LINGO2: variants seen among roughly 807,000 people sequenced by gnomAD.
The protein encoded by LINGO2 is leucine-rich repeat and immunoglobulin-like domain-containing nogo receptor-interacting protein 2.
A neutral mutation model predicts 30.6 loss-of-function variants in LINGO2; 14 were observed. The observed-to-expected ratio is 0.46, with a 90% CI of 0.30 to 0.72. LINGO2 has a LOEUF of 0.72. Ranked by LOEUF, LINGO2 falls within the 30% of genes least tolerant of loss-of-function variation. The pLI is 0.07. For missense variants in LINGO2, 729 were observed against 751.7 expected (o/e 0.97, Z 0.35); for synonymous variants, 317 against 288.5 (o/e 1.10, Z -1.00).
chr9:28,907,364 CA>C, the LINGO2 span, among the ~76,000 whole-genome samples: 1 of 151,608 alleles, frequency 6.6e-6, no homozygotes, highest in South Asian at 2.1e-4. Flanking sequence ...GAAAGTAGCA[CA>C]AAAGAGAAAG....
the LINGO2 span, among the ~76,000 whole-genome samples, chr9:29,184,301 TA>T: frequency 2.0e-5 from 3 of 151,798 alleles, no homozygotes; most frequent in Non-Finnish European, 4.4e-5. Flanking sequence ...ATCTGTGTTT[TA>T]AAAACTAAAA....
At chr9:28,479,335 G>T (rs1374962650) in intron 1 of LINGO2, among the ~76,000 whole-genome samples, 2 of 151,664 alleles carry the variant, frequency 1.3e-5, no homozygotes, top group Non-Finnish European at 3.0e-5. Flanking sequence ...GATATTTTAG[G>T]TAGCCAATTA....
At position 28,496,581 on chromosome 9, in the gene LINGO2, T is replaced by C. The variant is rs896075848; in HGVS notation, c.-364-20556A>G. ...GCATGTGAGATGGGTCTCCTGAATA[T>C]AGCACACTGATGGGTCCTGACTCTT... On this transcript the variant is annotated intron_variant, in intron 1 of 5. Coordinates refer to ENST00000379992, the Ensembl canonical transcript of LINGO2. Among the ~76,000 whole-genome samples the C allele has an allele frequency of 3.7e-3, 561 of 151,952 alleles. 5 individuals are homozygous for C. The highest frequency in any genetic ancestry group is 0.013 in the African/African-American group (519 of 41,246).
chr9:28,037,960 C>T (rs962902187), intron 4 of LINGO2, among the ~76,000 whole-genome samples: 2 of 152,156 alleles, frequency 1.3e-5, no homozygotes, highest in African/African-American at 4.8e-5. Context: ...GAAGCTGAGG[C>T]ATAAAGAGGT....
chr9:29,188,784 G>C, the LINGO2 span, among the ~76,000 whole-genome samples: 1 of 145,666 alleles, frequency 6.9e-6, no homozygotes, highest in Admixed American at 6.7e-5. Context: ...CGGCCGGGCA[G>C]AGGCGCCCCT....
At chr9:28,994,568 C>G in the LINGO2 span, among the ~76,000 whole-genome samples, 2 of 151,170 alleles carry the variant, frequency 1.3e-5, no homozygotes, top group African/African-American at 2.4e-5. Context: ...CAAGTCAATC[C>G]TAAGCCAAAA....
At chr9:28,439,197 T>C (rs957100166) in intron 2 of LINGO2, among the ~76,000 whole-genome samples, 2 of 149,988 alleles carry the variant, frequency 1.3e-5, no homozygotes, top group African/African-American at 4.9e-5. Flanking sequence ...TAGATATCTA[T>C]ACATTACATA....
chr9:29,091,682 C>G, the LINGO2 span, among the ~76,000 whole-genome samples: 3 of 151,954 alleles, frequency 2.0e-5, no homozygotes, highest in Non-Finnish European at 4.4e-5. Flanking sequence ...ACAGGACAGT[C>G]CAAGAAATTA....
intron 4 of LINGO2, among the ~76,000 whole-genome samples, chr9:28,224,999 C>T (rs1225506472): frequency 1.3e-5 from 2 of 152,000 alleles, no homozygotes; most frequent in African/African-American, 4.8e-5. Flanking sequence ...ACAAAAGCAC[C>T]AAGAACATAC....
intron 4 of LINGO2, among the ~76,000 whole-genome samples, chr9:28,017,881 A>G (rs1212310628): frequency 6.6e-6 from 1 of 152,164 alleles, no homozygotes; most frequent in Non-Finnish European, 1.5e-5. Flanking sequence ...GAAACAAAAA[A>G]CAGCTCAAAT....
At chr9:28,415,805 A>C (rs1464362740) in intron 2 of LINGO2, among the ~76,000 whole-genome samples, 1 of 152,196 alleles carries the variant, frequency 6.6e-6, no homozygotes, top group African/African-American at 2.4e-5. Flanking sequence ...TTTTACAAGC[A>C]ATTATTATAT....
chr9:28,871,491 C>G, the LINGO2 span, among the ~76,000 whole-genome samples: 1,370 of 151,578 alleles, frequency 9.0e-3, 21 homozygotes, highest in African/African-American at 0.032. Flanking sequence ...CTCTGTGTTA[C>G]TACCTTAGTC....
At chr9:28,563,219 AC>A (rs1408332876) in intron 1 of LINGO2, among the ~76,000 whole-genome samples, 1 of 152,008 alleles carries the variant, frequency 6.6e-6, no homozygotes, top group East Asian at 1.9e-4. Flanking sequence ...TTTGATCAAA[AC>A]CTCAGAACTA....
chr9:29,074,738 G>T, the LINGO2 span, among the ~76,000 whole-genome samples: 28,253 of 144,356 alleles, frequency 0.2, 2,870 homozygotes, highest in African/African-American at 0.24. Context: ...CAGGCTGGAG[G>T]GCAGTGGCGC....
At chr9:28,889,547 A>T in the LINGO2 span, among the ~76,000 whole-genome samples, 3 of 152,124 alleles carry the variant, frequency 2.0e-5, no homozygotes, top group Non-Finnish European at 4.4e-5. Context: ...AAGTGTTTAT[A>T]CATAAATATA....
At chr9:28,444,555 G>A (rs966220114) in intron 2 of LINGO2, among the ~76,000 whole-genome samples, 1 of 152,196 alleles carries the variant, frequency 6.6e-6, no homozygotes, top group African/African-American at 2.4e-5. Context: ...CCAGACCTTG[G>A]GGCTCCCCAA....
At chr9:28,848,057 A>ACAC in the LINGO2 span, among the ~76,000 whole-genome samples, 3 of 11,954 alleles carry the variant, frequency 2.5e-4, no homozygotes, top group East Asian at 3.8e-3. Flanking sequence ...ATATATATAT[A>ACAC]TATATGTATA....
chr9:29,192,604 T>A, the LINGO2 span, among the ~76,000 whole-genome samples: 1 of 152,176 alleles, frequency 6.6e-6, no homozygotes, highest in Non-Finnish European at 1.5e-5. Context: ...GCCAGTGATA[T>A]AACATTTGAT....
chr9:28,576,223 C>T (rs991430692), intron 1 of LINGO2, among the ~76,000 whole-genome samples: 2 of 152,242 alleles, frequency 1.3e-5, no homozygotes, highest in African/African-American at 2.4e-5. Flanking sequence ...CATGGCTGAC[C>T]GGAAGCTGCA....
Sources: allele counts gnomAD v4.1 joint callset (sites outside exome capture counted in the v4.1 genomes callset), GRCh38; gene constraint gnomAD v4.1.1; transcripts MANE v1.5; gene names NCBI Gene and HGNC (gene_info 2026-07-23, HGNC 2026-07-21).